ANKRD62: variants seen among roughly 807,000 people sequenced by gnomAD.
ANKRD62 encodes ankyrin repeat domain-containing protein 62.
ANKRD62 carries 61 observed loss-of-function variants against 98.8 expected under a neutral mutation model. The observed-to-expected ratio is 0.62, with a 90% CI of 0.50 to 0.76. The LOEUF is 0.76. Among genes scored for constraint, ANKRD62 ranks in the 30% least tolerant of loss-of-function variants. ANKRD62 has a pLI of 0.00. For synonymous variants in ANKRD62, 341 were observed against 367.9 expected, an observed-to-expected ratio of 0.93 and a Z score of 0.84; for missense variants, 933 against 1,082.9, an observed-to-expected ratio of 0.86 and a Z score of 1.94.
intron 10 of ANKRD62, among the ~76,000 whole-genome samples, chr18:12,121,303 A>C (rs967955810): frequency 6.6e-6 from 1 of 152,150 alleles, no homozygotes; most frequent in Non-Finnish European, 1.5e-5. Flanking sequence ...CTCCTGAGGC[A>C]AGAGTTTTCG....
the ANKRD62 span, among the ~76,000 whole-genome samples, chr18:12,138,739 G>A: frequency 6.6e-6 from 1 of 152,182 alleles, no homozygotes; most frequent in Non-Finnish European, 1.5e-5. Context: ...CCTGTATTGG[G>A]TGCATACATA....
rs1045724593 is a variant in ANKRD62, at chr18:12,128,459, T to C, written c.*520T>C. ...GACAGTTAGCATTTGCCAACATGTA[T>C]GTGTCTACTTTCTCTTGCTTAAAAC... On this transcript the variant is annotated 3_prime_UTR_variant, in exon 14 of 14. Transcript: ENST00000587848. 2.0e-5 allele frequency: 3 copies of C among 152,286 alleles called. No individual in the cohort carries two copies. Among genetic ancestry groups the C allele is most frequent in the African/African-American group, 7.2e-5 (3 of 41,460 alleles). 9.4% of individuals were successfully genotyped at this position (152,286 alleles called of 1,614,324 possible).
At chr18:12,170,223 G>A in the ANKRD62 span, among the ~76,000 whole-genome samples, 1 of 152,144 alleles carries the variant, frequency 6.6e-6, no homozygotes, top group African/African-American at 2.4e-5. Flanking sequence ...TGTGATGTTA[G>A]GGTGTCAATT....
At chr18:12,156,394 T>C in the ANKRD62 span, among the ~76,000 whole-genome samples, 1 of 152,192 alleles carries the variant, frequency 6.6e-6, no homozygotes, top group Non-Finnish European at 1.5e-5. Flanking sequence ...CCACATGTCA[T>C]GGACTGGTAG....
chr18:12,172,544 G>A, the ANKRD62 span, among the ~76,000 whole-genome samples: 25 of 152,196 alleles, frequency 1.6e-4, no homozygotes, highest in African/African-American at 6.0e-4. Context: ...CTACTGGGAG[G>A]TGCCTCTCAA....
At chr18:12,099,715 G>A (rs1286662073) in intron 6 of ANKRD62, 33 bp downstream of exon 6, 2 of 1,269,016 alleles carry the variant, frequency 1.6e-6, no homozygotes, top group Admixed American at 2.9e-5. Context: ...CCTCTCGATG[G>A]TCCTGTCATA....
chr18:12,150,089 A>G, the ANKRD62 span, among the ~76,000 whole-genome samples: 29 of 152,136 alleles, frequency 1.9e-4, no homozygotes, highest in Non-Finnish European at 3.2e-4. Context: ...CACCATAGGA[A>G]AAAAAAACAC....
the ANKRD62 span, among the ~76,000 whole-genome samples, chr18:12,138,939 C>G: frequency 3.9e-5 from 6 of 152,114 alleles, no homozygotes; most frequent in Non-Finnish European, 8.8e-5. Context: ...ATGTGTGTCT[C>G]TGCACGTGAG....
At chr18:12,146,464 G>A in the ANKRD62 span, among the ~76,000 whole-genome samples, 3 of 152,128 alleles carry the variant, frequency 2.0e-5, no homozygotes, top group Non-Finnish European at 2.9e-5. Context: ...TGTGTGTTTT[G>A]AGATAGAATC....
chr18:12,106,446 A>T (rs1170173063), intron 7 of ANKRD62, among the ~76,000 whole-genome samples: 1 of 152,200 alleles, frequency 6.6e-6, no homozygotes, highest in Non-Finnish European at 1.5e-5. Context: ...TCCCAGAGTT[A>T]CACTTTTAAT....
rs1909926288 is a variant in ANKRD62, at chr18:12,127,863, A to G, written c.2678A>G (p.Gln893Arg). The G allele has an allele frequency of 2.0e-6, 3 of 1,525,146 alleles. No homozygotes were observed. In the African/African-American group the frequency reaches 4.1e-5, roughly 21 times the overall value. 94.5% of individuals were successfully genotyped at this position (1,525,146 alleles called of 1,614,324 possible). The change falls in exon 14 of 14, where the codon CAA becomes CGA. Residue 893 changes from glutamine (Q) to arginine (R), a missense_variant. By Grantham distance (43) the Gln-to-Arg change is conservative (BLOSUM62 1). This residue lies in a region of ANKRD62 where 362 missense variants were observed against 434.5 expected (regional missense o/e 0.83). Coordinates refer to ENST00000587848, the MANE Select transcript of ANKRD62 (RefSeq NM_001277333.2). Reference sequence around the variant, plus strand: ...CGTATTAATTTAGAAGATGAGGCACAAAGTTTAAAAAAGAAATTAGGCCAG... The same window carrying G: ...CGTATTAATTTAGAAGATGAGGCACGAAGTTTAAAAAAGAAATTAGGCCAG... ...ERRINLEDEAQSLKKKLGQMR... is the reference protein window; with the variant it reads ...ERRINLEDEARSLKKKLGQMR...
the ANKRD62 span, among the ~76,000 whole-genome samples, chr18:12,159,344 G>T: frequency 4.2e-4 from 64 of 152,088 alleles, no homozygotes; most frequent in Non-Finnish European, 6.6e-4. Context: ...CCTTCATTCT[G>T]TTCTATCCTG....
rs542037974 is a variant in ANKRD62 at position 12,101,226 on chromosome 18, AG to A, written c.820+1545del. 1.6e-3 allele frequency among the ~76,000 whole-genome samples: 244 copies of A among 152,318 alleles called. 1 individual carries two copies. Among genetic ancestry groups the A allele is most frequent in the African/African-American group, 5.1e-3 (212 of 41,570 alleles). On this transcript the variant is annotated intron_variant, in intron 6 of 13. Transcript: ENST00000587848. ...AACATTTTATTTAAAAACAATTCAT[AG>A]AATACATTTTCACATTAGAGATTCC... is the stretch of plus-strand genomic sequence containing the variant.
the ANKRD62 span, among the ~76,000 whole-genome samples, chr18:12,135,193 TC>T: frequency 1.2e-3 from 77 of 63,566 alleles, no homozygotes; most frequent in Non-Finnish European, 1.2e-3. Context: ...CCCTCCCCCC[TC>T]CCCCCACCCC....
chr18:12,107,217 AAATG>A (rs1241485817), intron 7 of ANKRD62, 74 bp from the exon 8 acceptor site: 11 of 955,000 alleles, frequency 1.2e-5, no homozygotes, highest in Admixed American at 3.7e-5. Context: ...TCAAGTGATT[AAATG>A]AATGAACACA....
chr18:12,173,112 G>A, the ANKRD62 span, among the ~76,000 whole-genome samples: 4 of 152,160 alleles, frequency 2.6e-5, no homozygotes, highest in Admixed American at 6.5e-5. Flanking sequence ...TGCACCCACT[G>A]TCCGACAAGC....
chr18:12,134,438 A>G (rs1045953506), downstream of ANKRD62, among the ~76,000 whole-genome samples: 2 of 152,034 alleles, frequency 1.3e-5, no homozygotes, highest in African/African-American at 4.8e-5. Flanking sequence ...GGTTTGTTAC[A>G]TATGTATACA....
At position 12,125,683 on chromosome 18, in the gene ANKRD62, A is replaced by G. The variant is rs1909873941; in HGVS notation, c.1862A>G (p.Tyr621Cys). 3.9e-6 allele frequency: 6 copies of G among 1,537,994 alleles called. No individual in the cohort carries two copies. Among genetic ancestry groups the G allele is most frequent in the East Asian group, 2.4e-5 (1 of 40,916 alleles). Residue 621 changes from tyrosine (Y) to cysteine (C), a missense_variant, in exon 13 of 14, where the codon TAT becomes TGT. Transcript: ENST00000587848. Reference sequence around the variant, plus strand: ...GCATTAACAAAAACAATAACCCGGTATAGTAAAGAGCTTAATGTTCTGATG... The same window carrying G: ...GCATTAACAAAAACAATAACCCGGTGTAGTAAAGAGCTTAATGTTCTGATG... ...EEALTKTITR[Y>C]SKELNVLMDE...
chr18:12,118,880 G>T (rs1165264310), intron 10 of ANKRD62, among the ~76,000 whole-genome samples: 1 of 152,062 alleles, frequency 6.6e-6, no homozygotes, highest in Non-Finnish European at 1.5e-5. Flanking sequence ...GTCTGGTTTT[G>T]GTTCAGGGTA....
Sources: allele counts gnomAD v4.1 joint callset (sites outside exome capture counted in the v4.1 genomes callset), GRCh38; gene constraint gnomAD v4.1.1; regional missense constraint gnomAD v4.1.1; transcripts MANE v1.5; gene names NCBI Gene and HGNC (gene_info 2026-07-23, HGNC 2026-07-21).